Variants in LCLAT1 observed in about 807,000 individuals in gnomAD.
LCLAT1 encodes 1-AGP acyltransferase 8.
LCLAT1 carries 11 observed loss-of-function variants against 30.7 expected under a neutral mutation model. That is an observed-to-expected ratio of 0.36 (90% CI 0.23 to 0.59). The LOEUF (loss-of-function observed/expected upper bound fraction) is 0.59, where lower values mean the gene tolerates loss of function less well. Among genes scored for constraint, LCLAT1 ranks in the 20% least tolerant of loss-of-function variants. The probability of loss-of-function intolerance (pLI) is 0.77; values close to 1 mark genes in which losing one functional copy is unlikely to be tolerated. For synonymous variants in LCLAT1, 155 were observed against 151.3 expected (o/e 1.02, Z -0.18); for missense variants, 402 against 458.6 (o/e 0.88, Z 1.13).
At chr2:30,494,994 A>G (rs1684035822) in intron 1 of LCLAT1, among the ~76,000 whole-genome samples, 1 of 151,014 alleles carries the variant, frequency 6.6e-6, no homozygotes, top group Non-Finnish European at 1.5e-5. Context: ...TCATTGGGAC[A>G]TATGGGCTGA....
chr2:30,561,752 C>G (rs1665234919), intron 3 of LCLAT1, among the ~76,000 whole-genome samples: 1 of 152,192 alleles, frequency 6.6e-6, no homozygotes, highest in South Asian at 2.1e-4. Context: ...CTTTTGCTTA[C>G]TGCTCTGTAA....
At chr2:30,618,265 A>G (rs772761915) in intron 5 of LCLAT1, among the ~76,000 whole-genome samples, 2 of 152,176 alleles carry the variant, frequency 1.3e-5, no homozygotes, top group South Asian at 2.1e-4. Flanking sequence ...GCACATCTAT[A>G]TAAAACTTAG....
chr2:30,493,607 CA>C (rs1278436588), intron 1 of LCLAT1, among the ~76,000 whole-genome samples: 1 of 152,154 alleles, frequency 6.6e-6, no homozygotes, highest in Non-Finnish European at 1.5e-5. Flanking sequence ...GTGTAACCCC[CA>C]ACTGTAGTCA....
At chr2:30,462,180 G>T (rs1159258415) in intron 1 of LCLAT1, among the ~76,000 whole-genome samples, 2 of 152,176 alleles carry the variant, frequency 1.3e-5, no homozygotes, top group Non-Finnish European at 2.9e-5. Context: ...GCCCACTGGA[G>T]TCCAATAGGC....
chr2:30,602,604 A>G (rs1256574536), intron 5 of LCLAT1, among the ~76,000 whole-genome samples: 1 of 152,124 alleles, frequency 6.6e-6, no homozygotes, highest in Non-Finnish European at 1.5e-5. Context: ...TCTCTGTCTC[A>G]TTTCTTTCAA....
chr2:30,623,378 G>T (rs921176394), intron 5 of LCLAT1, among the ~76,000 whole-genome samples: 1 of 151,998 alleles, frequency 6.6e-6, no homozygotes, highest in Non-Finnish European at 1.5e-5. Context: ...AAATGTTACA[G>T]GATATGGACA....
intron 1 of LCLAT1, among the ~76,000 whole-genome samples, chr2:30,519,097 C>T (rs1685342601): frequency 6.6e-6 from 1 of 152,202 alleles, no homozygotes; most frequent in Non-Finnish European, 1.5e-5. Context: ...TATCCAAAGG[C>T]ACCTGGGCCC....
In LCLAT1 at chr2:30,465,625, C is replaced by T. The variant is rs78967703; in HGVS notation, c.-5+18242C>T. ...ATTCTTATCTACTCTTTGCTAATCA[C>T]CGTTATTTATTGGTTCTCAGTGTTG... On this transcript the variant is annotated intron_variant, in intron 1 of 5. Transcript: ENST00000379509. Among the ~76,000 whole-genome samples the T allele has an allele frequency of 5.0e-3, 764 of 152,288 alleles. 21 individuals are homozygous for T. In the East Asian group the frequency reaches 0.078, roughly 15 times the overall value.
intron 1 of LCLAT1, among the ~76,000 whole-genome samples, chr2:30,466,184 A>G (rs911397110): frequency 6.6e-6 from 1 of 151,682 alleles, no homozygotes; most frequent in African/African-American, 2.4e-5. Flanking sequence ...TTTCATAAAG[A>G]ACCAAGCTCA....
chr2:30,594,671 G>A (rs1666851036), intron 5 of LCLAT1, among the ~76,000 whole-genome samples: 1 of 152,142 alleles, frequency 6.6e-6, no homozygotes, highest in South Asian at 2.1e-4. Flanking sequence ...TTATGTGGGA[G>A]GGTCTCTTAT....
chr2:30,587,133 A>G (rs1428733487), intron 5 of LCLAT1, among the ~76,000 whole-genome samples: 1 of 152,152 alleles, frequency 6.6e-6, no homozygotes, highest in Non-Finnish European at 1.5e-5. Flanking sequence ...CCTAATGGAC[A>G]CCCCCTTCCT....
chr2:30,511,683 A>T (rs1684947468), intron 1 of LCLAT1, among the ~76,000 whole-genome samples: 1 of 152,204 alleles, frequency 6.6e-6, no homozygotes, highest in Non-Finnish European at 1.5e-5. Context: ...GTATATGGTC[A>T]CTTAATCCCA....
chr2:30,511,543 T>C (rs769946699), intron 1 of LCLAT1, among the ~76,000 whole-genome samples: 11 of 152,260 alleles, frequency 7.2e-5, no homozygotes, highest in Non-Finnish European at 1.5e-5. Context: ...ACAGCATAAC[T>C]AGGGAACATT....
chr2:30,480,073 A>G (rs1330593209), intron 1 of LCLAT1, among the ~76,000 whole-genome samples: 2 of 152,228 alleles, frequency 1.3e-5, no homozygotes, highest in African/African-American at 2.4e-5. Context: ...TATTTAAAAT[A>G]TTGTGGATGT....
chr2:30,635,483 C>T (rs1668978648), intron 5 of LCLAT1, among the ~76,000 whole-genome samples: 1 of 152,090 alleles, frequency 6.6e-6, no homozygotes, highest in African/African-American at 2.4e-5. Context: ...TAGTTTCTAA[C>T]ATTACAGTGT....
intron 1 of LCLAT1, among the ~76,000 whole-genome samples, chr2:30,518,109 C>T (rs900211941): frequency 6.6e-6 from 1 of 152,098 alleles, no homozygotes; most frequent in Non-Finnish European, 1.5e-5. Flanking sequence ...TCAGAAATAC[C>T]CTAAGTAAAA....
chr2:30,537,902 A>T (rs1430630439), intron 3 of LCLAT1, among the ~76,000 whole-genome samples: 1 of 152,218 alleles, frequency 6.6e-6, no homozygotes, highest in Non-Finnish European at 1.5e-5. Context: ...ACAATGAAAT[A>T]AAGTTAGAAA....
intron 5 of LCLAT1, among the ~76,000 whole-genome samples, chr2:30,569,470 C>A (rs1450650083): frequency 6.6e-6 from 1 of 152,198 alleles, no homozygotes; most frequent in Non-Finnish European, 1.5e-5. Context: ...TTCTGCTCTT[C>A]ACTCTGATTT....
intron 4 of LCLAT1, among the ~76,000 whole-genome samples, chr2:30,567,014 C>T (rs12474202): frequency 0.13 from 19,192 of 152,182 alleles, 1,341 homozygotes; most frequent in South Asian, 0.23. Context: ...TATTTCAGTT[C>T]ACATTGAAGG....
Sources: allele counts gnomAD v4.1 joint callset (sites outside exome capture counted in the v4.1 genomes callset), GRCh38; gene constraint gnomAD v4.1.1; transcripts MANE v1.5; gene names NCBI Gene and HGNC (gene_info 2026-07-23, HGNC 2026-07-21).